The following NFIA variants were observed in gnomAD, a reference collection of about 807,000 sequenced individuals.
NFIA encodes nuclear factor I A, also known as nuclear factor 1 A-type.
NFIA carries 8 observed loss-of-function variants against 62.8 expected under a neutral mutation model. That is an observed-to-expected ratio of 0.13 (90% CI 0.07 to 0.23). NFIA has a LOEUF of 0.23. Ranked by LOEUF, NFIA falls within the 10% of genes least tolerant of loss-of-function variation. NFIA has a pLI of 1.00. For missense variants in NFIA, 410 were observed against 642.1 expected, an observed-to-expected ratio of 0.64 and a Z score of 3.91; for synonymous variants, 235 against 238.1, an observed-to-expected ratio of 0.99 and a Z score of 0.12.
Position 61,406,542 on chromosome 1 carries a change from T to C in NFIA, c.1255-20T>C. 2 of 1,253,826 alleles carry C rather than the reference T, an allele frequency of 1.6e-6. No homozygotes were observed. Among genetic ancestry groups the C allele is most frequent in the Non-Finnish European group, 2.1e-6 (2 of 931,742 alleles). 77.7% of individuals were successfully genotyped at this position (1,253,826 alleles called of 1,614,324 possible). On this transcript the variant is annotated intron_variant, in intron 8 of 10. Transcript: ENST00000403491. ...TTCTTTTTCTTGTACGTGTGTTTTC[T>C]GCCCCCCCCCCCCCCACAGCCCAAT...
intron 2 of NFIA, among the ~76,000 whole-genome samples, chr1:61,239,814 A>T (rs1206627689): frequency 6.6e-6 from 1 of 152,156 alleles, no homozygotes; most frequent in Non-Finnish European, 1.5e-5. Flanking sequence ...GATATCAACT[A>T]TGCTGTATTA....
chr1:61,088,545 C>T lies in NFIA; in HGVS notation c.424C>T (p.Leu142=). ...VMVILFKGIP[L]ESTDGERLVK... Reference sequence around the variant, plus strand: ...GGTGATTTTGTTTAAAGGTATTCCGCTGGAAAGTACTGATGGCGAGCGCCT... The same window carrying T: ...GGTGATTTTGTTTAAAGGTATTCCGTTGGAAAGTACTGATGGCGAGCGCCT... Residue 142 remains leucine (L), a synonymous_variant, in exon 2 of 11, where the codon CTG becomes TTG. Transcript: ENST00000403491. The surrounding 1 kb of genome is among the most constrained non-coding windows in gnomAD (Gnocchi z 4.5). The T allele has an allele frequency of 6.2e-7, 1 of 1,614,126 alleles. No homozygotes were observed. Among genetic ancestry groups the T allele is most frequent in the East Asian group, 2.2e-5 (1 of 44,870 alleles).
chr1:61,140,870 T>C (rs1647454391), intron 2 of NFIA, among the ~76,000 whole-genome samples: 1 of 151,326 alleles, frequency 6.6e-6, no homozygotes, highest in African/African-American at 2.4e-5. Context: ...AACCCAAGAG[T>C]GTATGGTGAC....
chr1:61,088,741 C>T lies in NFIA; in HGVS notation c.559+61C>T. On this transcript the variant is annotated intron_variant, in intron 2 of 10. Coordinates refer to ENST00000403491, the MANE Select transcript of NFIA (RefSeq NM_001134673.4). The surrounding 1 kb of genome is among the most constrained non-coding windows in gnomAD (Gnocchi z 4.5). The stretch of plus-strand genomic sequence containing the variant: ...GTGTGTGTTTCTTTCCTGATGGCCT[C>T]CGCGTTATGCCGGATTCTTCCTGAG... 1 of 1,526,410 alleles carries T rather than the reference C, an allele frequency of 6.6e-7. No individual in the cohort carries two copies. The allele number at this position is 1,526,410 out of a possible 1,614,324, so 94.6% of individuals were successfully genotyped here.
At chr1:61,337,529 C>CAGAG (rs377014397) in intron 4 of NFIA, among the ~76,000 whole-genome samples, 1 of 150,888 alleles carries the variant, frequency 6.6e-6, no homozygotes, top group African/African-American at 2.4e-5. Context: ...GATGCTGTGC[C>CAGAG]AGAGAGAGAG....
At chr1:61,408,039 G>A (rs888700458) in intron 9 of NFIA, among the ~76,000 whole-genome samples, 5 of 152,198 alleles carry the variant, frequency 3.3e-5, no homozygotes, top group African/African-American at 1.2e-4. Context: ...AATCCAGATG[G>A]CTAGAGGCCC....
chr1:61,382,002 C>T (rs36083346), intron 6 of NFIA, among the ~76,000 whole-genome samples: 14,491 of 152,200 alleles, frequency 0.095, 901 homozygotes, highest in East Asian at 0.32. Flanking sequence ...TTTTCCAGTT[C>T]ATCCAAATAA....
At chr1:61,199,339 T>C (rs1368773685) in intron 2 of NFIA, among the ~76,000 whole-genome samples, 1 of 152,238 alleles carries the variant, frequency 6.6e-6, no homozygotes, top group African/African-American at 2.4e-5. Flanking sequence ...TGTTAATAGC[T>C]ACCATTTATT....
intron 9 of NFIA, among the ~76,000 whole-genome samples, chr1:61,415,626 G>T (rs543546536): frequency 3.3e-5 from 5 of 152,160 alleles, no homozygotes; most frequent in Admixed American, 6.5e-5. Flanking sequence ...GATTAGCAAA[G>T]ATCAAAAGGT....
chr1:61,234,281 CG>C (rs1654850027), intron 2 of NFIA, among the ~76,000 whole-genome samples: 1 of 150,130 alleles, frequency 6.7e-6, no homozygotes. Flanking sequence ...GCAGGAGAAT[CG>C]CTTGAACCCG....
At chr1:61,410,888 C>G (rs896511765) in intron 9 of NFIA, among the ~76,000 whole-genome samples, 6 of 152,020 alleles carry the variant, frequency 3.9e-5, no homozygotes, top group Admixed American at 3.3e-4. Context: ...GCCTGGGTGA[C>G]AGAGCGAGAC....
At chr1:61,341,060 C>CTTTTTTTTTTTTTT in intron 4 of NFIA, among the ~76,000 whole-genome samples, 1 of 108,792 alleles carries the variant, frequency 9.2e-6, no homozygotes, top group Non-Finnish European at 1.8e-5. Context: ...TACCGGCATT[C>CTTTTTTTTTTTTTT]TTTTTTTTTT....
intron 2 of NFIA, among the ~76,000 whole-genome samples, chr1:61,221,561 C>T (rs1240915194): frequency 6.6e-6 from 1 of 151,990 alleles, no homozygotes; most frequent in East Asian, 1.9e-4. Flanking sequence ...CAGTAGAAAT[C>T]CAAATCGTTG....
At chr1:61,320,261 A>G (rs1472118427) in intron 3 of NFIA, among the ~76,000 whole-genome samples, 1 of 152,160 alleles carries the variant, frequency 6.6e-6, no homozygotes, top group Non-Finnish European at 1.5e-5. Flanking sequence ...TGGTACTTCT[A>G]AAATACTTTG....
chr1:61,286,257 C>T (rs1658486862), intron 3 of NFIA, among the ~76,000 whole-genome samples: 2 of 149,028 alleles, frequency 1.3e-5, no homozygotes, highest in Admixed American at 1.3e-4. Context: ...GAAACCCTGT[C>T]TCTACTTAAA....
intron 2 of NFIA, among the ~76,000 whole-genome samples, chr1:61,138,433 C>T (rs189601204): frequency 3.2e-4 from 49 of 152,108 alleles, no homozygotes; most frequent in Non-Finnish European, 5.9e-4. Flanking sequence ...ACCCCACCAC[C>T]CTTAGAGGTA....
chr1:61,391,139 C>T (rs977689816), intron 7 of NFIA, among the ~76,000 whole-genome samples: 3 of 152,242 alleles, frequency 2.0e-5, no homozygotes, highest in African/African-American at 7.2e-5. Flanking sequence ...CAGCTCACTG[C>T]AGCCTCGACC....
chr1:61,383,694 A>ATGTG (rs142509081), intron 7 of NFIA, among the ~76,000 whole-genome samples: 1 of 152,024 alleles, frequency 6.6e-6, no homozygotes, highest in East Asian at 1.9e-4. Flanking sequence ...GAGAGACAGA[A>ATGTG]TGTGTGTGTG....
chr1:61,176,991 A>AGGC (rs1650409580), intron 2 of NFIA, among the ~76,000 whole-genome samples: 1 of 152,066 alleles, frequency 6.6e-6, no homozygotes, highest in Non-Finnish European at 1.5e-5. Flanking sequence ...CTGTAGTCCC[A>AGGC]GCTACTCGGC....
Sources: allele counts gnomAD v4.1 joint callset (sites outside exome capture counted in the v4.1 genomes callset), GRCh38; gene constraint gnomAD v4.1.1; non-coding constraint Gnocchi (gnomAD v3.1); transcripts MANE v1.5; gene names NCBI Gene and HGNC (gene_info 2026-07-23, HGNC 2026-07-21).